PPM1L: variants seen among roughly 807,000 people sequenced by gnomAD.
PPM1L encodes protein phosphatase, Mg2+/Mn2+ dependent 1L.
Under a neutral mutation model 31.4 loss-of-function variants are expected in PPM1L, and 13 were observed. The observed-to-expected ratio is 0.41, with a 90% CI of 0.27 to 0.66. The LOEUF (loss-of-function observed/expected upper bound fraction) is 0.66, where lower values mean the gene tolerates loss of function less well. Ranked by LOEUF, PPM1L falls within the 30% of genes least tolerant of loss-of-function variation. The probability of loss-of-function intolerance (pLI) is 0.29; values close to 1 mark genes in which losing one functional copy is unlikely to be tolerated. For missense variants in PPM1L, 326 were observed against 453.7 expected, an observed-to-expected ratio of 0.72 and a Z score of 2.56; for synonymous variants, 184 against 175.4, an observed-to-expected ratio of 1.05 and a Z score of -0.39.
At chr3:160,960,562 G>T (rs576761737) in intron 1 of PPM1L, among the ~76,000 whole-genome samples, 88 of 3,184 alleles carry the variant, frequency 0.028, no homozygotes, top group African/African-American at 0.078. Context: ...GCAGTTTTGT[G>T]TGTGTGTGTG....
intron 1 of PPM1L, among the ~76,000 whole-genome samples, chr3:160,807,339 A>G (rs1712636149): frequency 1.3e-5 from 2 of 152,234 alleles, no homozygotes; most frequent in Non-Finnish European, 2.9e-5. Flanking sequence ...TCAATGTCAT[A>G]TGCAATTATT....
At chr3:160,764,390 A>G (rs1715049622) in intron 1 of PPM1L, among the ~76,000 whole-genome samples, 1 of 152,024 alleles carries the variant, frequency 6.6e-6, no homozygotes, top group Non-Finnish European at 1.5e-5. Flanking sequence ...TTCTTTGTAT[A>G]ATTCTATAAA....
At chr3:160,812,119 C>T (rs1215521773) in intron 1 of PPM1L, among the ~76,000 whole-genome samples, 1 of 152,206 alleles carries the variant, frequency 6.6e-6, no homozygotes, top group Non-Finnish European at 1.5e-5. Context: ...CTTTAGCTGC[C>T]TAAAGATGTT....
chr3:160,994,768 CAG>C (rs1717252316), intron 2 of PPM1L, among the ~76,000 whole-genome samples: 1 of 152,120 alleles, frequency 6.6e-6, no homozygotes, highest in African/African-American at 2.4e-5. Flanking sequence ...AAATGACTAT[CAG>C]GGTGCCAGAT....
At chr3:160,876,768 T>C (rs368115050) in intron 1 of PPM1L, among the ~76,000 whole-genome samples, 6 of 152,308 alleles carry the variant, frequency 3.9e-5, no homozygotes, top group African/African-American at 1.2e-4. Context: ...TGGAGCACCA[T>C]ATTGTGGGTG....
chr3:161,032,020 G>A (rs1718581263), intron 2 of PPM1L, among the ~76,000 whole-genome samples: 2 of 152,138 alleles, frequency 1.3e-5, no homozygotes, highest in South Asian at 4.1e-4. Context: ...TCACCTTCTT[G>A]TCTCCTTACC....
chr3:160,774,182 G>A (rs1004246701), intron 1 of PPM1L, among the ~76,000 whole-genome samples: 1 of 151,966 alleles, frequency 6.6e-6, no homozygotes, highest in Non-Finnish European at 1.5e-5. Flanking sequence ...TCTTCTCATG[G>A]TCGTGCCTTT....
chr3:161,044,884 G>T (rs899403861), intron 2 of PPM1L, among the ~76,000 whole-genome samples: 2 of 152,104 alleles, frequency 1.3e-5, no homozygotes, highest in African/African-American at 4.8e-5. Flanking sequence ...CCCATCTCAC[G>T]TGCAGAGACA....
intron 2 of PPM1L, among the ~76,000 whole-genome samples, chr3:161,038,576 G>T (rs1718814936): frequency 1.7e-5 from 2 of 120,654 alleles, no homozygotes; most frequent in Non-Finnish European, 1.6e-5. Context: ...AAAATGCTGG[G>T]ATTTGTTTTA....
At chr3:161,044,940 A>G (rs1225041699) in intron 2 of PPM1L, among the ~76,000 whole-genome samples, 1 of 152,210 alleles carries the variant, frequency 6.6e-6, no homozygotes, top group Non-Finnish European at 1.5e-5. Flanking sequence ...TACCAAGCAA[A>G]TGGAAAACAA....
At chr3:161,013,320 G>A (rs1167105065) in intron 2 of PPM1L, among the ~76,000 whole-genome samples, 1 of 152,220 alleles carries the variant, frequency 6.6e-6, no homozygotes, top group African/African-American at 2.4e-5. Context: ...CAGTTCCCAT[G>A]TAGTTGAATG....
At chr3:160,790,922 C>T (rs1712086102) in intron 1 of PPM1L, among the ~76,000 whole-genome samples, 1 of 152,096 alleles carries the variant, frequency 6.6e-6, no homozygotes, top group African/African-American at 2.4e-5. Flanking sequence ...CAGATTTAAG[C>T]TGATCTGTTA....
intron 2 of PPM1L, among the ~76,000 whole-genome samples, chr3:160,995,278 A>G (rs1717274850): frequency 6.6e-6 from 1 of 152,094 alleles, no homozygotes; most frequent in Non-Finnish European, 1.5e-5. Flanking sequence ...TAGCAAAGAA[A>G]TGCACCAGTA....
intron 1 of PPM1L, among the ~76,000 whole-genome samples, chr3:160,802,567 G>T (rs911788711): frequency 6.6e-6 from 1 of 152,196 alleles, no homozygotes; most frequent in Non-Finnish European, 1.5e-5. Flanking sequence ...TCAGCCCTCA[G>T]AGCATTCTTG....
At chr3:160,827,071 A>G (rs904394865) in intron 1 of PPM1L, among the ~76,000 whole-genome samples, 38 of 152,176 alleles carry the variant, frequency 2.5e-4, no homozygotes, top group Non-Finnish European at 5.6e-4. Flanking sequence ...TACTTAACAC[A>G]CTTTCTCACT....
chr3:160,756,482 G>A lies in PPM1L; in HGVS notation c.174G>A (p.Met58Ile). 3.1e-6 allele frequency: 5 copies of A among 1,614,174 alleles called. No homozygotes were observed. The highest frequency in any genetic ancestry group is 4.2e-6 in the Non-Finnish European group (5 of 1,180,026). Residue 58 changes from methionine (M) to isoleucine (I), a missense_variant, in exon 1 of 4, where the codon ATG becomes ATA. Physicochemically the swap from Met to Ile is conservative, Grantham distance 10 (BLOSUM62 1). Around this residue, in one of 3 missense-constraint regions of PPM1L, gnomAD observed 42 missense variants for 76.1 expected, o/e 0.55. Transcript: ENST00000498165. This position sits in a 1 kb window ranked among gnomAD's most constrained non-coding sequence, Gnocchi z 6.2. ...IVKSSRDAVK[M>I]VKGKVAEIMQ... ...AGTCCAGCCGGGACGCCGTGAAGAT[G>A]GTGAAGGGCAAGGTAGCCGAGATCA...
chr3:160,907,972 T>C (rs1250122418), intron 1 of PPM1L, among the ~76,000 whole-genome samples: 1 of 152,204 alleles, frequency 6.6e-6, no homozygotes, highest in Non-Finnish European at 1.5e-5. Flanking sequence ...TGATGCAGGC[T>C]GTGCAGGTCA....
chr3:160,935,273 C>A (rs1215504889), intron 1 of PPM1L, among the ~76,000 whole-genome samples: 2 of 152,180 alleles, frequency 1.3e-5, no homozygotes, highest in Non-Finnish European at 2.9e-5. Context: ...AATTCTGTCA[C>A]CCTGAAGATG....
intron 2 of PPM1L, among the ~76,000 whole-genome samples, chr3:161,043,040 A>ATG (rs1371988093): frequency 0.022 from 2,289 of 104,066 alleles, 64 homozygotes; most frequent in African/African-American, 0.084. Flanking sequence ...AAAAATTGTT[A>ATG]TTTTTTTTTT....
Sources: allele counts gnomAD v4.1 joint callset (sites outside exome capture counted in the v4.1 genomes callset), GRCh38; gene constraint gnomAD v4.1.1; regional missense constraint gnomAD v4.1.1; non-coding constraint Gnocchi (gnomAD v3.1); transcripts MANE v1.5; gene names NCBI Gene and HGNC (gene_info 2026-07-23, HGNC 2026-07-21).